Variants in MYH14 observed in about 807,000 individuals in gnomAD.
MYH14 encodes myosin heavy chain 14.
A neutral mutation model predicts 255.5 loss-of-function variants in MYH14; 123 were observed. The observed-to-expected ratio is 0.48, with a 90% confidence interval of 0.42 to 0.56. The LOEUF (loss-of-function observed/expected upper bound fraction) is 0.56, where lower values mean the gene tolerates loss of function less well. Among genes scored for constraint, MYH14 ranks in the 20% least tolerant of loss-of-function variants. The pLI is 0.00. For synonymous variants in MYH14, 1,095 were observed against 1,161.2 expected (o/e 0.94, Z 1.16); for missense variants, 2,423 against 2,802.3 (o/e 0.86, Z 3.06).
intron 3 of MYH14, among the ~76,000 whole-genome samples, chr19:50,219,889 A>G (rs1304799803): frequency 6.6e-6 from 1 of 152,168 alleles, no homozygotes; most frequent in Non-Finnish European, 1.5e-5. Context: ...TTTAAAAATT[A>G]TATCTATTTA....
rs1223367852 is a variant in MYH14 at position 50,292,471 on chromosome 19, TG to T, written c.5256+86del. On this transcript the variant is annotated intron_variant, in intron 37 of 42. Coordinates refer to ENST00000642316, the MANE Select transcript of MYH14 (RefSeq NM_001145809.2). ...ACCTTGAGGTCCCTGGATGTGAAGCTGGGGAGGTGGGCGGGGCTAACCACAG... is the reference window on the plus strand; with the variant it reads ...ACCTTGAGGTCCCTGGATGTGAAGCTGGGAGGTGGGCGGGGCTAACCACAG... The T allele has an allele frequency of 5.4e-6, 5 of 930,858 alleles. No individual in the cohort carries two copies. In the East Asian group the frequency reaches 4.5e-4, roughly 84 times the overall value. The allele number at this position is 930,858 out of a possible 1,614,324, so 57.7% of individuals were successfully genotyped here.
chr19:50,282,437 C>T (rs1003254235), intron 33 of MYH14, among the ~76,000 whole-genome samples: 1 of 152,218 alleles, frequency 6.6e-6, no homozygotes, highest in African/African-American at 2.4e-5. Flanking sequence ...CACTGTGGCT[C>T]ATGCCTGTAA....
intron 13 of MYH14, 147 bp from the exon 14 acceptor site, chr19:50,249,503 C>T: frequency 1.1e-6 from 1 of 888,338 alleles, no homozygotes; most frequent in Admixed American, 2.2e-5. Flanking sequence ...GTCTCTGTCC[C>T]CCTCTCTCTG....
At chr19:50,215,524 A>G (rs1354845093) in intron 2 of MYH14, among the ~76,000 whole-genome samples, 1 of 152,226 alleles carries the variant, frequency 6.6e-6, no homozygotes, top group African/African-American at 2.4e-5. Context: ...CTGGGAGCTT[A>G]AAACAGTTCT....
chr19:50,281,558 C>T (rs777627889), intron 32 of MYH14, 36 bp from the exon 33 acceptor site: 53 of 1,540,478 alleles, frequency 3.4e-5, no homozygotes, highest in Non-Finnish European at 4.1e-5. Flanking sequence ...CACTCATGGC[C>T]GTGACCACCA....
chr19:50,259,220 G>A lies in MYH14; in HGVS notation c.2309G>A (p.Arg770His), dbSNP rs866143471. The part of the protein sequence containing the change: ...NGVLEGIRIC[R>H]QGFPNRILFQ... Reference sequence around the variant, plus strand: ...GTCCTGGAGGGCATCCGCATCTGTCGCCAGGGCTTCCCCAACCGCATCCTC... The same window carrying A: ...GTCCTGGAGGGCATCCGCATCTGTCACCAGGGCTTCCCCAACCGCATCCTC... Residue 770 changes from arginine (R) to histidine (H), a missense_variant, in exon 19 of 43, where the codon CGC (arginine) becomes CAC (histidine). This residue lies in a region of MYH14 where 672 missense variants were observed against 881.8 expected (regional missense o/e 0.76). Transcript: ENST00000642316. The A allele has an allele frequency of 3.8e-6, 6 of 1,588,678 alleles. No homozygotes were observed. Among genetic ancestry groups the A allele is most frequent in the Admixed American group, 1.8e-5 (1 of 56,166 alleles).
At position 50,301,684 on chromosome 19, in the gene MYH14, G is replaced by A; in HGVS notation, c.5493G>A (p.Leu1831=). ...AGGTAGAGTCACTGACCACAGAGCT[G>A]TCAGCTGAGCGCAGTTTCTCAGCCA... ...LLQVESLTTE[L]SAERSFSAKA... Residue 1831 remains leucine, a synonymous_variant, in exon 40 of 43, where the codon CTG becomes CTA. Coordinates refer to ENST00000642316, the MANE Select transcript of MYH14 (RefSeq NM_001145809.2). 6.2e-7 allele frequency: 1 copy of A among 1,613,734 alleles called. No individual in the cohort carries two copies. The highest frequency in any genetic ancestry group is 8.5e-7 in the Non-Finnish European group (1 of 1,179,720).
chr19:50,212,114 A>C (rs886411161), intron 2 of MYH14, among the ~76,000 whole-genome samples: 2 of 152,228 alleles, frequency 1.3e-5, no homozygotes, highest in African/African-American at 4.8e-5. Flanking sequence ...TCTTTACAGC[A>C]AACGGATGGG....
chr19:50,286,836 A>G, intron 34 of MYH14, 142 bp downstream of exon 34: 2 of 882,124 alleles, frequency 2.3e-6, no homozygotes, highest in South Asian at 1.7e-5. Context: ...AGGGCTGGGC[A>G]TGGTGGCTCA....
Position 50,210,385 on chromosome 19 carries a change from C to T in MYH14, c.20C>T (p.Ser7Leu), listed in dbSNP as rs119103279. 1.3e-6 allele frequency: 2 copies of T among 1,586,402 alleles called. No individual in the cohort carries two copies. Among genetic ancestry groups the T allele is most frequent in the South Asian group, 1.1e-5 (1 of 87,568 alleles). The change falls in exon 2 of 43, where the codon TCG (serine) becomes TTG (leucine). Residue 7 changes from serine to leucine, a missense_variant. Ser to Leu is a moderately radical substitution (Grantham distance 145). Transcript: ENST00000642316. ...CAGACCATGGCAGCCGTGACCATGTCGGTGCCCGGGCGGAAGGCGCCCCCC... is the reference window on the plus strand; with the variant it reads ...CAGACCATGGCAGCCGTGACCATGTTGGTGCCCGGGCGGAAGGCGCCCCCC... MAAVTM[S>L]VPGRKAPPRP... is the part of the protein sequence containing the mutation.
At chr19:50,251,886 G>A (rs73061160) in intron 15 of MYH14, among the ~76,000 whole-genome samples, 3,089 of 152,174 alleles carry the variant, frequency 0.02, 39 homozygotes, top group Middle Eastern at 0.037. Flanking sequence ...CCCTATTCCA[G>A]TGAAAGTATT....
chr19:50,244,093 G>A lies in MYH14; in HGVS notation c.1115-149G>A. 4 of 670,080 alleles carry A rather than the reference G, an allele frequency of 6.0e-6. No individual in the cohort carries two copies. The South Asian group carries it at 7.0e-5, about 12-fold the overall frequency. The allele number at this position is 670,080 out of a possible 1,614,324, so 41.5% of individuals were successfully genotyped here. On this transcript the variant is annotated intron_variant, in intron 10 of 42. Transcript: ENST00000642316. ...CAGAGTGCTGGGATTACAGGTGTGA[G>A]CTATCACGCCCATCCCACAAGTAGA... is the stretch of plus-strand genomic sequence containing the variant.
chr19:50,251,030 A>G (rs1464161083), intron 15 of MYH14, among the ~76,000 whole-genome samples: 1 of 152,160 alleles, frequency 6.6e-6, no homozygotes. Context: ...CAGATCAAAC[A>G]TGGTTTCTGT....
At chr19:50,251,814 T>C (rs12463098) in intron 15 of MYH14, among the ~76,000 whole-genome samples, 83,868 of 151,978 alleles carry the variant, frequency 0.55, 23,973 homozygotes, top group Middle Eastern at 0.64. Context: ...CTGACCTCAG[T>C]TGATCCACCC....
chr19:50,204,515 C>CT (rs1427099940), intron 1 of MYH14, among the ~76,000 whole-genome samples: 4 of 152,162 alleles, frequency 2.6e-5, no homozygotes, highest in Admixed American at 6.5e-5. Context: ...GCTGTGTGAT[C>CT]TTGAGTGCCT....
rs193274415 is a variant in MYH14, at chr19:50,268,969, T to C, written c.3033+602T>C. On this transcript the variant is annotated intron_variant, in intron 24 of 42. Transcript: ENST00000642316. ...TCTCAATTCAGATGCTAAATTTTCA[T>C]TGGAAATACTTGATCTGTATTTCTA... Among the ~76,000 whole-genome samples, 318 of 152,360 alleles carry C rather than the reference T, an allele frequency of 2.1e-3. 2 individuals are homozygous for C. The highest frequency in any genetic ancestry group is 7.5e-3 in the African/African-American group (310 of 41,592).
chr19:50,250,443 A>G lies in MYH14; in HGVS notation c.1657-72A>G, dbSNP rs1948455386. On this transcript the variant is annotated intron_variant, in intron 14 of 42. Coordinates refer to ENST00000642316, the MANE Select transcript of MYH14 (RefSeq NM_001145809.2). The surrounding 1 kb of genome is among the most constrained non-coding windows in gnomAD (Gnocchi z 5.4). ...TGTCCAAGTGTGACTTATAAGAGCT[A>G]AAAATCAGCAGCCACCTGAGTGTCC... 7.4e-6 allele frequency: 11 copies of G among 1,491,416 alleles called. No individual in the cohort carries two copies. The Admixed American group carries it at 9.6e-5, about 13-fold the overall frequency. 92.4% of individuals were successfully genotyped at this position (1,491,416 alleles called of 1,614,324 possible).
chr19:50,210,239 G>GAAGT (rs2032097991), intron 1 of MYH14, 124 bp from the exon 2 acceptor site: 2 of 862,714 alleles, frequency 2.3e-6, no homozygotes, highest in South Asian at 1.9e-5. Context: ...CCACTTTGCA[G>GAAGT]AAGTATGGCA....
intron 2 of MYH14, 59 bp downstream of exon 2, chr19:50,210,829 G>C: frequency 6.6e-7 from 1 of 1,526,574 alleles, no homozygotes; most frequent in Non-Finnish European, 8.8e-7. Context: ...TGGGGAACCA[G>C]GTCCACCACC....
Sources: allele counts gnomAD v4.1 joint callset (sites outside exome capture counted in the v4.1 genomes callset), GRCh38; gene constraint gnomAD v4.1.1; regional missense constraint gnomAD v4.1.1; non-coding constraint Gnocchi (gnomAD v3.1); transcripts MANE v1.5; gene names NCBI Gene and HGNC (gene_info 2026-07-23, HGNC 2026-07-21).